The following GRID1 variants were observed in gnomAD, a reference collection of about 807,000 sequenced individuals.
GRID1 encodes glutamate receptor ionotropic, delta-1.
GRID1 carries 28 observed loss-of-function variants against 98.0 expected under a neutral mutation model. The observed-to-expected ratio is 0.29, with a 90% confidence interval of 0.21 to 0.39. The LOEUF (loss-of-function observed/expected upper bound fraction) is 0.39. Among genes scored for constraint, GRID1 ranks in the 10% least tolerant of loss-of-function variants. The pLI is 1.00. For synonymous variants in GRID1, 553 were observed against 538.5 expected, an observed-to-expected ratio of 1.03 and a Z score of -0.37; for missense variants, 1,111 against 1,340.5, an observed-to-expected ratio of 0.83 and a Z score of 2.67.
chr10:85,743,940 A>G (rs1841974005), intron 8 of GRID1, among the ~76,000 whole-genome samples: 1 of 152,190 alleles, frequency 6.6e-6, no homozygotes, highest in African/African-American at 2.4e-5. Flanking sequence ...TCTGTTTTCA[A>G]GCAGAATTTA....
chr10:86,169,472 C>A (rs1408283594), intron 3 of GRID1, among the ~76,000 whole-genome samples: 1 of 152,180 alleles, frequency 6.6e-6, no homozygotes, highest in Non-Finnish European at 1.5e-5. Flanking sequence ...TTCCAGCATG[C>A]CCCTGCACAG....
intron 4 of GRID1, among the ~76,000 whole-genome samples, chr10:85,956,554 A>G (rs555415355): frequency 1.1e-3 from 168 of 152,282 alleles, no homozygotes; most frequent in African/African-American, 3.8e-3. Flanking sequence ...TTTGACCACA[A>G]GGGACCATCT....
chr10:85,614,921 T>C (rs758102120), intron 14 of GRID1, among the ~76,000 whole-genome samples: 29 of 152,266 alleles, frequency 1.9e-4, no homozygotes, highest in Admixed American at 4.6e-4. Flanking sequence ...CAAGCTTTCA[T>C]TGGGGAGTGG....
chr10:86,206,521 T>C lies in GRID1; in HGVS notation c.363A>G (p.Gly121=), dbSNP rs765725377. 6.2e-7 allele frequency: 1 copy of C among 1,614,000 alleles called. No homozygotes were observed. Among genetic ancestry groups the C allele is most frequent in the Non-Finnish European group, 8.5e-7 (1 of 1,180,040 alleles). Residue 121 remains glycine (G), a synonymous_variant, in exon 3 of 16, where the codon GGA becomes GGG. Transcript: ENST00000327946. This position sits in a 1 kb window ranked among gnomAD's most constrained non-coding sequence, Gnocchi z 4.1. ...GGTGGCATGCGGTGCGTGGCGACCC[T>C]CCCGGGTTGCGCTGGACAAAGAGGT... The part of the protein sequence containing the change: ...IPHLFVQRNP[G]GSPRTACHLN...
chr10:86,288,609 A>G lies in GRID1; in HGVS notation c.235+75332T>C, dbSNP rs189561885. 3.4e-3 allele frequency among the ~76,000 whole-genome samples: 513 copies of G among 152,212 alleles called. 2 individuals carry two copies. Among genetic ancestry groups the G allele is most frequent in the African/African-American group, 0.012 (492 of 41,524 alleles). ...TTGCCTCTCGGTTGCGTTCTGGGGG[A>G]AAAGTAGCTTAGTTATGTTGGAGCC... On this transcript the variant is annotated intron_variant, in intron 2 of 15. Coordinates refer to ENST00000327946, the MANE Select transcript of GRID1 (RefSeq NM_017551.3).
At chr10:85,940,812 A>C (rs1447348523) in intron 4 of GRID1, among the ~76,000 whole-genome samples, 5 of 152,222 alleles carry the variant, frequency 3.3e-5, no homozygotes, top group Admixed American at 3.3e-4. Context: ...CATGGGAAAC[A>C]CAAAGAGGCA....
At chr10:85,822,992 A>G (rs1842786935) in intron 8 of GRID1, among the ~76,000 whole-genome samples, 1 of 152,206 alleles carries the variant, frequency 6.6e-6, no homozygotes, top group African/African-American at 2.4e-5. Flanking sequence ...GAATAATGAG[A>G]ACACCTGGAC....
At chr10:85,646,824 C>T in intron 13 of GRID1, 1 of 253,502 alleles carries the variant, frequency 3.9e-6, no homozygotes, top group Non-Finnish European at 7.9e-6. Flanking sequence ...TGGGCCCACC[C>T]TCTCCCCAAC....
chr10:85,708,518 A>G (rs183331966), intron 12 of GRID1, among the ~76,000 whole-genome samples: 76 of 152,368 alleles, frequency 5.0e-4, no homozygotes, highest in Non-Finnish European at 8.5e-4. Context: ...TTTTCAGGTA[A>G]ACTCATAAGA....
intron 4 of GRID1, among the ~76,000 whole-genome samples, chr10:86,000,754 C>T (rs1842793518): frequency 6.6e-6 from 1 of 152,130 alleles, no homozygotes. Flanking sequence ...AAGCCTCACA[C>T]CTTTCCCAAA....
chr10:85,729,953 C>T (rs890655175), intron 8 of GRID1, among the ~76,000 whole-genome samples: 2 of 152,216 alleles, frequency 1.3e-5, no homozygotes, highest in African/African-American at 4.8e-5. Context: ...GCAAAATACC[C>T]TCTTTCTTTA....
intron 12 of GRID1, among the ~76,000 whole-genome samples, chr10:85,714,215 G>T (rs1046522468): frequency 6.6e-6 from 1 of 151,932 alleles, no homozygotes; most frequent in African/African-American, 2.4e-5. Context: ...AAGAACACAT[G>T]GATAGATACG....
intron 4 of GRID1, among the ~76,000 whole-genome samples, chr10:86,082,906 C>T (rs760049952): frequency 5.9e-5 from 9 of 152,130 alleles, no homozygotes; most frequent in Non-Finnish European, 8.8e-5. Flanking sequence ...AAGGACAGAG[C>T]GGGTGGAAGC....
chr10:86,268,055 T>C (rs1297655625), intron 2 of GRID1, among the ~76,000 whole-genome samples: 1 of 152,158 alleles, frequency 6.6e-6, no homozygotes, highest in African/African-American at 2.4e-5. Flanking sequence ...CTTTCCTGGG[T>C]TATAACTGTC....
At chr10:85,726,624 T>C (rs1181567752) in intron 10 of GRID1, among the ~76,000 whole-genome samples, 1 of 152,136 alleles carries the variant, frequency 6.6e-6, no homozygotes, top group Non-Finnish European at 1.5e-5. Flanking sequence ...CAGAGAAGGA[T>C]GGGCCTCAAA....
intron 5 of GRID1, among the ~76,000 whole-genome samples, chr10:85,908,960 G>C (rs1262016566): frequency 1.3e-5 from 2 of 152,160 alleles, no homozygotes; most frequent in African/African-American, 4.8e-5. Flanking sequence ...TAAAATGTCT[G>C]TTCTTCAAAA....
intron 4 of GRID1, among the ~76,000 whole-genome samples, chr10:85,921,357 G>A (rs1398704838): frequency 1.3e-5 from 2 of 152,226 alleles, no homozygotes; most frequent in Non-Finnish European, 2.9e-5. Context: ...GGAGCCGACT[G>A]TGGAAGGGAA....
intron 8 of GRID1, among the ~76,000 whole-genome samples, chr10:85,807,381 A>G (rs143108354): frequency 0.012 from 1,854 of 152,020 alleles, 56 homozygotes; most frequent in African/African-American, 0.042. Flanking sequence ...AAAGAAAAAG[A>G]ATCTTGATTT....
chr10:85,991,141 TG>T (rs1336034938), intron 4 of GRID1, among the ~76,000 whole-genome samples: 1 of 152,090 alleles, frequency 6.6e-6, no homozygotes, highest in Non-Finnish European at 1.5e-5. Context: ...TGATTGTCTG[TG>T]GATGAGGTGA....
Sources: gnomAD v4.1 joint callset for allele counts (sites outside exome capture counted in the v4.1 genomes callset) on GRCh38, gnomAD v4.1.1 for gene constraint, Gnocchi (gnomAD v3.1) non-coding constraint, MANE v1.5 for transcripts, NCBI Gene and HGNC (gene_info 2026-07-23, HGNC 2026-07-21) for gene names.